PLXNA3: variants seen among roughly 807,000 people sequenced by gnomAD.
PLXNA3 encodes plexin A3.
Under a neutral mutation model 118.8 loss-of-function variants are expected in PLXNA3, and 52 were observed. That is an observed-to-expected ratio of 0.44 (90% CI 0.35 to 0.55). PLXNA3 has a LOEUF of 0.55. Among genes scored for constraint, PLXNA3 ranks in the 20% least tolerant of loss-of-function variants. PLXNA3 has a pLI of 0.01. For missense variants in PLXNA3, 1,660 were observed against 1,730.8 expected, an observed-to-expected ratio of 0.96 and a Z score of 0.73; for synonymous variants, 925 against 762.4, an observed-to-expected ratio of 1.21 and a Z score of -3.51.
In PLXNA3 at chrX:154,474,190, C is replaced by T. The variant is rs2069219475; in HGVS notation, c.*1505C>T. On this transcript the variant is annotated 3_prime_UTR_variant, in exon 33 of 33. Transcript: ENST00000369682. Reference sequence around the variant, plus strand: ...TTGAGACAGAGTGTAGCTGTGTTGCCCAGGCTGGAGTGCAGTGGCAAGATC... The same window carrying T: ...TTGAGACAGAGTGTAGCTGTGTTGCTCAGGCTGGAGTGCAGTGGCAAGATC... 9.0e-6 allele frequency: 1 copy of T among 111,122 alleles called. No individual in the cohort carries two copies. The highest frequency in any genetic ancestry group is 3.7e-4 in the South Asian group (1 of 2,693). The allele number at this position is 111,122 out of a possible 1,213,427, so 9.2% of individuals were successfully genotyped here.
rs1185806765 is a variant in PLXNA3 at position 154,461,210 on chromosome X, G to A, written c.706G>A (p.Val236Met). The change falls in exon 3 of 33, where the codon GTG becomes ATG. Residue 236 changes from valine (V) to methionine (M), a missense_variant. By Grantham distance (21) the Val-to-Met change is conservative. Around this residue, in one of 2 missense-constraint regions of PLXNA3, gnomAD observed 791 missense variants for 652.1 expected, o/e 1.21. Transcript: ENST00000369682. The stretch of plus-strand genomic sequence containing the variant: ...CTACGGCTTCGTCAGCGCCTCCTTC[G>A]TGTACTTCCTGACGCTGCAGCTGGA... ...YIYGFVSASF[V>M]YFLTLQLDTQ... 27 of 1,211,512 alleles carry A rather than the reference G, an allele frequency of 2.2e-5. No homozygotes were observed. Among genetic ancestry groups the A allele is most frequent in the Admixed American group, 4.3e-5 (2 of 46,089 alleles).
intron 17 of PLXNA3, 109 bp downstream of exon 17, chrX:154,466,902 G>A: frequency 2.3e-6 from 2 of 862,387 alleles, no homozygotes; most frequent in South Asian, 5.0e-5. Context: ...CTCATTGGTG[G>A]AGGGGGTGGA....
At chrX:154,470,711 G>GCCT in intron 30 of PLXNA3, 100 bp downstream of exon 30, 1 of 836,994 alleles carries the variant, frequency 1.2e-6, no homozygotes, top group Non-Finnish European at 1.7e-6. Context: ...TAGCATCCAG[G>GCCT]CAGGAGGGAA....
At position 154,468,470 on chromosome X, in the gene PLXNA3, C is replaced by CTA; in HGVS notation, c.4133_4134dup (p.Ala1379MetfsTer51). The CTA allele has an allele frequency of 8.3e-7, 1 of 1,211,507 alleles. No individual in the cohort carries two copies. Among genetic ancestry groups the CTA allele is most frequent in the Non-Finnish European group, 1.1e-6 (1 of 895,565 alleles). ...TGGTGGCCCTGCAGAGCCGGCTCGA[C>CTA]TATGCCACGGGGCTGCTCAAGCAAC... On this transcript the variant is annotated frameshift_variant, in exon 23 of 33. Transcript: ENST00000369682. LOFTEE classifies it high-confidence loss of function.
Position 154,460,551 on chromosome X carries a change from T to C in PLXNA3, c.368T>C (p.Leu123Pro). The C allele has an allele frequency of 8.3e-7, 1 of 1,210,133 alleles. No individual in the cohort carries two copies. The highest frequency in any genetic ancestry group is 1.1e-6 in the Non-Finnish European group (1 of 894,751). The change falls in exon 2 of 33, where the codon CTG becomes CCG. Residue 123 changes from leucine (L) to proline (P), a missense_variant. Physicochemically the swap from Leu to Pro is moderately conservative, Grantham distance 98 (BLOSUM62 -3). Around this residue, in one of 2 missense-constraint regions of PLXNA3, gnomAD observed 791 missense variants for 652.1 expected, o/e 1.21. Coordinates refer to ENST00000369682, the MANE Select transcript of PLXNA3 (RefSeq NM_017514.5). ...ATCTGGCAGGGCATCTGCCAGTTCC[T>C]GCGTCTGGACGACCTCTTCAAGCTG... ...GSIWQGICQF[L>P]RLDDLFKLGE...
intron 3 of PLXNA3, among the ~76,000 whole-genome samples, chrX:154,461,856 G>C (rs2068970172): frequency 8.9e-6 from 1 of 111,980 alleles, no homozygotes; most frequent in African/African-American, 3.2e-5. Context: ...TCCGTTCCCA[G>C]CTCGTTCCTC....
intron 1 of PLXNA3, 35 bp from the exon 2 acceptor site, chrX:154,460,122 G>T: frequency 2.5e-6 from 2 of 793,717 alleles, no homozygotes; most frequent in Non-Finnish European, 3.7e-6. Context: ...TCTGTGGCTC[G>T]AGGCCTCTGA....
In PLXNA3 at chrX:154,477,560, G is replaced by A. The variant is rs1305095023; in HGVS notation, c.*4875G>A. The A allele has an allele frequency of 6.5e-6, 1 of 153,536 alleles. No homozygotes were observed. 12.7% of individuals were successfully genotyped at this position (153,536 alleles called of 1,213,427 possible). A position where few individuals can be genotyped will look rare whatever the true frequency, so the allele number is the denominator to read the frequency against. ...ACAGTTACACATTTACTATGTAAGT[G>A]CAACTGTAAAACTGAGGAAGTATTC... On this transcript the variant is annotated 3_prime_UTR_variant, in exon 33 of 33. Transcript: ENST00000369682.
intron 22 of PLXNA3, 35 bp from the exon 23 acceptor site, chrX:154,468,268 C>T (rs1233569478): frequency 5.9e-6 from 7 of 1,185,366 alleles, no homozygotes; most frequent in Admixed American, 2.2e-5. Flanking sequence ...CCTTCAGGGC[C>T]GCCCCCACCC....
chrX:154,470,203 C>G (rs782352217), intron 29 of PLXNA3, 36 bp downstream of exon 29: 1 of 1,174,683 alleles, frequency 8.5e-7, no homozygotes, highest in Admixed American at 2.2e-5. Context: ...GGCCTCCGCC[C>G]AGAGGTTGTC....
Position 154,462,189 on chromosome X carries a change from A to G in PLXNA3, c.1196A>G (p.His399Arg). The G allele has an allele frequency of 8.3e-7, 1 of 1,205,132 alleles. No homozygotes were observed. The highest frequency in any genetic ancestry group is 1.1e-6 in the Non-Finnish European group (1 of 892,099). The change falls in exon 4 of 33, where the codon CAT (histidine) becomes CGT (arginine). Residue 399 changes from histidine (H) to arginine (R), a missense_variant. His to Arg is a conservative substitution (Grantham distance 29, BLOSUM62 0). Around this residue, in one of 2 missense-constraint regions of PLXNA3, gnomAD observed 791 missense variants for 652.1 expected, o/e 1.21. Transcript: ENST00000369682. ...TTGAACCAGCCTCTGGGAGGCCTGC[A>G]TGTGATCGAGGGGCTGCCCCTGCTG... ...LVLNQPLGGL[H>R]VIEGLPLLAD...
In PLXNA3 at chrX:154,476,305, A is replaced by G. The variant is rs2069235718; in HGVS notation, c.*3620A>G. 9.2e-6 allele frequency: 1 copy of G among 109,281 alleles called. No individual in the cohort carries two copies. Among genetic ancestry groups the G allele is most frequent in the African/African-American group, 3.3e-5 (1 of 29,933 alleles). The allele number at this position is 109,281 out of a possible 1,213,427, so 9.0% of individuals were successfully genotyped here. On this transcript the variant is annotated 3_prime_UTR_variant, in exon 33 of 33. Coordinates refer to ENST00000369682, the MANE Select transcript of PLXNA3 (RefSeq NM_017514.5). ...AACCCTGTGTCTACTAAAAATACAA[A>G]ATTAGCTGGGCGTGGTGGTGCATGC...
Position 154,469,121 on chromosome X carries a change from T to C in PLXNA3, c.4500T>C (p.Cys1500=). ...SAQVPVKVLN[C]DSITQAKDKL... is the part of the protein sequence containing the mutation. ...AGGTCCCAGTGAAGGTTCTCAACTG[T>C]GACAGCATCACCCAGGCCAAAGATA... is the stretch of plus-strand genomic sequence containing the variant. The change falls in exon 26 of 33, where the codon TGT becomes TGC. Residue 1500 remains cysteine, a synonymous_variant. Coordinates refer to ENST00000369682, the MANE Select transcript of PLXNA3 (RefSeq NM_017514.5). 3 of 1,210,865 alleles carry C rather than the reference T, an allele frequency of 2.5e-6. No homozygotes were observed. The highest frequency in any genetic ancestry group is 2.2e-6 in the Non-Finnish European group (2 of 895,053).
In PLXNA3 at chrX:154,475,407, CTTTT is replaced by C. The variant is rs1292117791; in HGVS notation, c.*2726_*2729del. The C allele has an allele frequency of 8.9e-6, 1 of 111,863 alleles. No individual in the cohort carries two copies. The highest frequency in any genetic ancestry group is 1.9e-5 in the Non-Finnish European group (1 of 53,065). The allele number at this position is 111,863 out of a possible 1,213,427, so 9.2% of individuals were successfully genotyped here. The stretch of plus-strand genomic sequence containing the variant: ...TGAGCCACTGTTCCTGGCCTTTCTT[CTTTT>C]TTTGTTTTTGTTTTTTTTTGAGATG... On this transcript the variant is annotated 3_prime_UTR_variant, in exon 33 of 33. Transcript: ENST00000369682.
At chrX:154,470,687 C>T in intron 30 of PLXNA3, 76 bp downstream of exon 30, 1 of 990,349 alleles carries the variant, frequency 1.0e-6, no homozygotes, top group South Asian at 2.1e-5. Context: ...TCTGCTGAGA[C>T]CCAGGGCCTG....
chrX:154,461,043 C>T (rs2068944879), intron 2 of PLXNA3, 56 bp from the exon 3 acceptor site: 1 of 1,032,529 alleles, frequency 9.7e-7, no homozygotes, highest in South Asian at 2.1e-5. Context: ...CTGGCGGTGG[C>T]CCGTGATGTT....
rs2069201732 is a variant in PLXNA3, at chrX:154,472,774, C to T, written c.*89C>T. 5.8e-6 allele frequency: 4 copies of T among 684,273 alleles called. No individual in the cohort carries two copies. Among genetic ancestry groups the T allele is most frequent in the Non-Finnish European group, 7.1e-6 (3 of 425,174 alleles). The allele number at this position is 684,273 out of a possible 1,213,427, so 56.4% of individuals were successfully genotyped here. A position where few individuals can be genotyped will look rare whatever the true frequency, so the allele number is the denominator to read the frequency against. On this transcript the variant is annotated 3_prime_UTR_variant, in exon 33 of 33. Transcript: ENST00000369682. ...GCTGGCTCAAGCCTGGGTCCCCGGG[C>T]TGAGCCCTGGATTGGGTATCGTGGG...
chrX:154,468,693 C>T lies in PLXNA3; in HGVS notation c.4251C>T (p.Thr1417=). ...RTESVAEKML[T]NWFTFLLHKF... is the part of the protein sequence containing the mutation. ...AGTCAGTGGCTGAGAAGATGCTTAC[C>T]AACTGGTTCACGTTCCTGCTGCATA... is the stretch of plus-strand genomic sequence containing the variant. Residue 1417 remains threonine (T), a synonymous_variant, in exon 24 of 33, where the codon ACC becomes ACT. Coordinates refer to ENST00000369682, the MANE Select transcript of PLXNA3 (RefSeq NM_017514.5). 1 of 1,211,732 alleles carries T rather than the reference C, an allele frequency of 8.3e-7. No individual in the cohort carries two copies. The highest frequency in any genetic ancestry group is 1.1e-6 in the Non-Finnish European group (1 of 895,508).
chrX:154,460,342 C>T lies in PLXNA3; in HGVS notation c.159C>T (p.Val53=), dbSNP rs782181486. The T allele has an allele frequency of 5.8e-6, 7 of 1,210,998 alleles. No homozygotes were observed. The highest frequency in any genetic ancestry group is 7.8e-6 in the Non-Finnish European group (7 of 895,188). The change falls in exon 2 of 33, where the codon GTC becomes GTT. Residue 53 remains valine (V), a synonymous_variant. Coordinates refer to ENST00000369682, the MANE Select transcript of PLXNA3 (RefSeq NM_017514.5). ...TGTTCGTGGGCGCAGTGAACCGAGT[C>T]TTTAAGCTGGCCCCCAACCTGACTG... ...GEVFVGAVNR[V]FKLAPNLTEL...
Sources: gnomAD v4.1 joint callset for allele counts (sites outside exome capture counted in the v4.1 genomes callset) on GRCh38, gnomAD v4.1.1 for gene constraint, gnomAD v4.1.1 regional missense constraint, MANE v1.5 for transcripts, NCBI Gene and HGNC (gene_info 2026-07-23, HGNC 2026-07-21) for gene names.